SDAD1: variants seen among roughly 807,000 people sequenced by gnomAD.
The protein encoded by SDAD1 is protein SDA1 homolog.
SDAD1 carries 79 observed loss-of-function variants against 100.3 expected under a neutral mutation model. The observed-to-expected ratio is 0.79, with a 90% CI of 0.66 to 0.95. The LOEUF is 0.95. Among genes scored for constraint, SDAD1 ranks in the 40% least tolerant of loss-of-function variants. SDAD1 has a pLI of 0.00. For synonymous variants in SDAD1, 267 were observed against 271.4 expected (o/e 0.98, Z 0.16); for missense variants, 790 against 810.9 (o/e 0.97, Z 0.31).
intron 8 of SDAD1, 56 bp downstream of exon 8, chr4:75,973,261 T>C (rs1729966219): frequency 2.2e-6 from 3 of 1,376,774 alleles, no homozygotes; most frequent in East Asian, 2.3e-5. Context: ...CTTTACAATG[T>C]GTACTCAGAG....
At chr4:75,966,312 A>ACACT (rs1383701973) in intron 12 of SDAD1, among the ~76,000 whole-genome samples, 2,785 of 135,772 alleles carry the variant, frequency 0.021, 100 homozygotes, top group East Asian at 0.045. Context: ...ACACACACAC[A>ACACT]CTGTCTCTTT....
At chr4:75,967,062 C>T (rs993467212) in intron 12 of SDAD1, among the ~76,000 whole-genome samples, 3 of 152,124 alleles carry the variant, frequency 2.0e-5, no homozygotes, top group Non-Finnish European at 2.9e-5. Context: ...CCACTGTGCC[C>T]GGCAGTTGTT....
In SDAD1 at chr4:75,957,459, C is replaced by T. The variant is rs780900015; in HGVS notation, c.1770-50G>A. On this transcript the variant is annotated intron_variant, in intron 19 of 21. Coordinates refer to ENST00000356260, the MANE Select transcript of SDAD1 (RefSeq NM_018115.4). ...TGAAACAAGAATGGAATTCTGTTTC[C>T]TGATGCTTTCATTACCACATGAGCT... The T allele has an allele frequency of 6.8e-6, 11 of 1,610,764 alleles. 1 individual carries two copies. The South Asian group carries it at 1.2e-4, about 18-fold the overall frequency.
chr4:75,955,440 G>A (rs954228422), intron 21 of SDAD1, among the ~76,000 whole-genome samples: 3 of 152,036 alleles, frequency 2.0e-5, no homozygotes, highest in African/African-American at 4.8e-5. Context: ...GTTGCATTGC[G>A]GGCTGCTGGC....
intron 4 of SDAD1, 106 bp from the exon 5 acceptor site, chr4:75,976,101 T>C (rs1354018477): frequency 1.5e-6 from 1 of 677,038 alleles, no homozygotes; most frequent in Non-Finnish European, 2.4e-6. Context: ...ATTTTACCTA[T>C]TTTTCATTCT....
At position 75,981,971 on chromosome 4, in the gene SDAD1, T is replaced by C. The variant is rs1189038949; in HGVS notation, c.157A>G (p.Ser53Gly). 2 of 1,611,968 alleles carry C rather than the reference T, an allele frequency of 1.2e-6. No individual in the cohort carries two copies. Among genetic ancestry groups the C allele is most frequent in the Non-Finnish European group, 1.7e-6 (2 of 1,179,442 alleles). Reference sequence around the variant, plus strand: ...ATCACCAGCTCTGCTAGTTCTTTGCTGGGTTTATTTGGTTGCAATTTGAAA... The same window carrying C: ...ATCACCAGCTCTGCTAGTTCTTTGCCGGGTTTATTTGGTTGCAATTTGAAA... ...EIFKLQPNKP[S>G]KELAELVMFM... Residue 53 changes from serine to glycine, a missense_variant, in exon 2 of 22, where the codon AGC becomes GGC. Physicochemically the swap from Ser to Gly is moderately conservative, Grantham distance 56 (BLOSUM62 0). Transcript: ENST00000356260.
chr4:75,973,989 T>C lies in SDAD1; in HGVS notation c.636+87A>G. On this transcript the variant is annotated intron_variant, in intron 7 of 21. Transcript: ENST00000356260. ...GCATGCCTGGTGTGCAGGCATGCAG[T>C]TTATGCTGAGTGATGCTTTCTTCTA... 4 of 1,156,664 alleles carry C rather than the reference T, an allele frequency of 3.5e-6. No homozygotes were observed. The South Asian group carries it at 4.9e-5, about 14-fold the overall frequency. 71.7% of individuals were successfully genotyped at this position (1,156,664 alleles called of 1,614,324 possible).
At position 75,964,792 on chromosome 4, in the gene SDAD1, A is replaced by G. The variant is rs1729447289; in HGVS notation, c.1105-581T>C. Reference sequence around the variant, plus strand: ...ATTTCTTATGCCTGTCTTTGCTGCAATCTCTGAACATAAATTGTGAAGATT... The same window carrying G: ...ATTTCTTATGCCTGTCTTTGCTGCAGTCTCTGAACATAAATTGTGAAGATT... On this transcript the variant is annotated intron_variant, in intron 13 of 21. Coordinates refer to ENST00000356260, the MANE Select transcript of SDAD1 (RefSeq NM_018115.4). Among the ~76,000 whole-genome samples, 2 of 152,318 alleles carry G rather than the reference A, an allele frequency of 1.3e-5. 1 individual carries two copies. The highest frequency in any genetic ancestry group is 4.1e-4 in the South Asian group (2 of 4,826).
chr4:75,957,819 G>A, intron 18 of SDAD1, 28 bp downstream of exon 18: 1 of 1,612,602 alleles, frequency 6.2e-7, no homozygotes, highest in South Asian at 1.1e-5. Context: ...ATAAACACCA[G>A]GTTATAAGAT....
At chr4:75,950,881 G>A in intron 21 of SDAD1, 84 bp from the exon 22 acceptor site, 1 of 842,780 alleles carries the variant, frequency 1.2e-6, no homozygotes, top group Non-Finnish European at 1.9e-6. Context: ...TTACTAAAAA[G>A]GAATCACCAA....
At position 75,961,271 on chromosome 4, in the gene SDAD1, G is replaced by C. The variant is rs375343526; in HGVS notation, c.1219C>G (p.Leu407Val). 1 of 1,614,020 alleles carries C rather than the reference G, an allele frequency of 6.2e-7. No individual in the cohort carries two copies. Among genetic ancestry groups the C allele is most frequent in the African/African-American group, 1.3e-5 (1 of 75,032 alleles). Residue 407 changes from leucine to valine, a missense_variant, in exon 15 of 22, where the codon CTG becomes GTG. Leu to Val is a conservative substitution (Grantham distance 32, BLOSUM62 1). Transcript: ENST00000356260. ...AIKEITARCP[L>V]AMTEELLQDL... Reference sequence around the variant, plus strand: ...TGGAGAAGTTCTTCAGTCATGGCCAGAGGACATCGAGCTGTTATCTCCTTT... The same window carrying C: ...TGGAGAAGTTCTTCAGTCATGGCCACAGGACATCGAGCTGTTATCTCCTTT...
rs548146955 is a variant in SDAD1 at position 75,981,415 on chromosome 4, A to G, written c.251T>C (p.Leu84Pro). 6.2e-7 allele frequency: 1 copy of G among 1,613,904 alleles called. No homozygotes were observed. The highest frequency in any genetic ancestry group is 8.5e-7 in the Non-Finnish European group (1 of 1,179,818). Residue 84 changes from leucine (L) to proline (P), a missense_variant, in exon 3 of 22, where the codon CTT becomes CCT. Coordinates refer to ENST00000356260, the MANE Select transcript of SDAD1 (RefSeq NM_018115.4). Reference sequence around the variant, plus strand: ...CAATACGGTATGATTGCAGGAGAGAAGATCTTTCACCTCTTGAGGAAAATT... The same window carrying G: ...CAATACGGTATGATTGCAGGAGAGAGGATCTTTCACCTCTTGAGGAAAATT... The part of the protein sequence containing the change: ...LSNFPQEVKD[L>P]LSCNHTVLDP...
chr4:75,967,066 AGTT>A (rs1190666627), intron 12 of SDAD1, among the ~76,000 whole-genome samples: 2 of 152,116 alleles, frequency 1.3e-5, no homozygotes, highest in African/African-American at 4.8e-5. Flanking sequence ...TGTGCCCGGC[AGTT>A]GTTGTTGTTT....
chr4:75,977,639 C>T lies in SDAD1; in HGVS notation c.405+7G>A. On this transcript the variant is annotated splice_region_variant and intron_variant, in intron 4 of 21. Transcript: ENST00000356260. ...AGATGCAGGGAAATATTTGTTTTGCCCTTTACCTTTCGCAGAAGTTTATCA... is the reference window on the plus strand; with the variant it reads ...AGATGCAGGGAAATATTTGTTTTGCTCTTTACCTTTCGCAGAAGTTTATCA... 2 of 1,563,416 alleles carry T rather than the reference C, an allele frequency of 1.3e-6. No individual in the cohort carries two copies. The highest frequency in any genetic ancestry group is 1.8e-6 in the Non-Finnish European group (2 of 1,135,590).
chr4:75,960,321 G>T (rs1439958565), intron 16 of SDAD1, 129 bp from the exon 17 acceptor site: 2 of 846,618 alleles, frequency 2.4e-6, no homozygotes, highest in Non-Finnish European at 3.4e-6. Flanking sequence ...CTGTTGCCCA[G>T]ACTGGAGTGC....
At chr4:75,969,140 A>G (rs1729721951) in intron 11 of SDAD1, among the ~76,000 whole-genome samples, 156 bp downstream of exon 11, 1 of 152,182 alleles carries the variant, frequency 6.6e-6, no homozygotes, top group Admixed American at 6.5e-5. Flanking sequence ...AAGTGATAAA[A>G]ATAGTTATTT....
chr4:75,977,805 G>T, intron 3 of SDAD1, 49 bp from the exon 4 acceptor site: 2 of 1,140,476 alleles, frequency 1.8e-6, no homozygotes, highest in Non-Finnish European at 2.6e-6. Flanking sequence ...AGTTAACAAG[G>T]TGAGAAAATA....
chr4:75,959,582 C>A (rs1056664919), intron 17 of SDAD1, among the ~76,000 whole-genome samples: 2 of 149,650 alleles, frequency 1.3e-5, no homozygotes, highest in African/African-American at 4.9e-5. Flanking sequence ...CCAGCCTGGG[C>A]AAGAGCGAGA....
At chr4:75,953,219 TGA>T (rs961575249) in intron 21 of SDAD1, among the ~76,000 whole-genome samples, 1 of 152,224 alleles carries the variant, frequency 6.6e-6, no homozygotes, top group African/African-American at 2.4e-5. Context: ...CTTCAATCTT[TGA>T]GAGTTATTTT....
Sources: allele counts gnomAD v4.1 joint callset (sites outside exome capture counted in the v4.1 genomes callset), GRCh38; gene constraint gnomAD v4.1.1; transcripts MANE v1.5; gene names NCBI Gene and HGNC (gene_info 2026-07-23, HGNC 2026-07-21).